FMN2: variants seen among roughly 807,000 people sequenced by gnomAD.
FMN2 encodes formin-2.
In FMN2, 51 loss-of-function variants were observed where a neutral mutation model predicts 142.3. The observed-to-expected ratio is 0.36, with a 90% CI of 0.29 to 0.45. FMN2 has a LOEUF of 0.45. Among genes scored for constraint, FMN2 ranks in the 20% least tolerant of loss-of-function variants. FMN2 has a pLI of 1.00. For missense variants in FMN2, 1,936 were observed against 2,122.8 expected (o/e 0.91, Z 1.73); for synonymous variants, 882 against 869.8 (o/e 1.01, Z -0.25).
chr1:240,447,459 C>T (rs186185274), intron 16 of FMN2, among the ~76,000 whole-genome samples: 1 of 152,154 alleles, frequency 6.6e-6, no homozygotes, highest in African/African-American at 2.4e-5. Flanking sequence ...ATTGTTAGTC[C>T]TCAGGGAAAT....
chr1:240,187,138 C>T (rs1197880595), intron 3 of FMN2, among the ~76,000 whole-genome samples: 14 of 149,038 alleles, frequency 9.4e-5, no homozygotes, highest in African/African-American at 2.9e-4. Flanking sequence ...GGTGTGGTGG[C>T]GGGTGCCTAT....
chr1:240,324,718 A>AAG (rs1671101066), intron 8 of FMN2, among the ~76,000 whole-genome samples: 1 of 151,968 alleles, frequency 6.6e-6, no homozygotes, highest in Non-Finnish European at 1.5e-5. Context: ...GGAGGGAAGA[A>AAG]AGAAAGAGAA....
intron 2 of FMN2, chr1:240,144,302 C>T: frequency 6.2e-7 from 1 of 1,607,344 alleles, no homozygotes. Context: ...GCCACTGCCC[C>T]CAAACCTGTT....
chr1:240,406,666 C>T (rs929052481), intron 15 of FMN2, among the ~76,000 whole-genome samples: 5 of 152,128 alleles, frequency 3.3e-5, no homozygotes, highest in Admixed American at 3.3e-4. Context: ...ACCTGCCACT[C>T]ATGGCTCTAG....
rs1670049859 is a variant in FMN2 at position 240,298,025 on chromosome 1, C to T, written c.4215+3142C>T. ...CATGGCCTAATTGCTTCCAAAAGGC[C>T]CTACCTTGATACCATCATCCTGGGG... On this transcript the variant is annotated intron_variant, in intron 8 of 17. Coordinates refer to ENST00000319653, the MANE Select transcript of FMN2 (RefSeq NM_020066.5). Among the ~76,000 whole-genome samples the T allele has an allele frequency of 2.0e-5, 3 of 152,078 alleles. No homozygotes were observed. In the South Asian group the frequency reaches 6.2e-4, roughly 32 times the overall value.
At chr1:240,434,195 T>C (rs925654797) in intron 15 of FMN2, among the ~76,000 whole-genome samples, 2 of 152,200 alleles carry the variant, frequency 1.3e-5, no homozygotes, top group Non-Finnish European at 2.9e-5. Flanking sequence ...CTACTACCTC[T>C]TCATGTGCCA....
At chr1:240,373,616 T>C (rs1260444173) in intron 14 of FMN2, among the ~76,000 whole-genome samples, 1 of 152,202 alleles carries the variant, frequency 6.6e-6, no homozygotes, top group Non-Finnish European at 1.5e-5. Context: ...TCCTCATCCG[T>C]TCAAATTTCA....
chr1:240,418,616 ACTGT>A (rs1218108787), intron 15 of FMN2, among the ~76,000 whole-genome samples: 2 of 152,252 alleles, frequency 1.3e-5, no homozygotes, highest in African/African-American at 4.8e-5. Flanking sequence ...ATAAAAGAAG[ACTGT>A]CTGCATAAGA....
At position 240,146,261 on chromosome 1, in the gene FMN2, GTA is replaced by G. The variant is rs1457532220; in HGVS notation, c.1782+22918_1782+22919del. 3.3e-5 allele frequency among the ~76,000 whole-genome samples: 5 copies of G among 151,222 alleles called. No homozygotes were observed. In the East Asian group the frequency reaches 9.8e-4, roughly 30 times the overall value. On this transcript the variant is annotated intron_variant, in intron 2 of 17. Transcript: ENST00000319653. ...TACAAAAAATTAGCCAGACTTGGTG[GTA>G]TGTGCCTATAGTCCCAGTTACTTGG...
At chr1:240,188,332 C>G in intron 4 of FMN2, 70 bp downstream of exon 4, 3 of 1,480,690 alleles carry the variant, frequency 2.0e-6, no homozygotes, top group Non-Finnish European at 1.9e-6. Context: ...ACAGACTCTG[C>G]GATTTATCTT....
intron 6 of FMN2, among the ~76,000 whole-genome samples, chr1:240,241,883 C>CTGGA (rs2102869621): frequency 7.5e-6 from 1 of 133,030 alleles, no homozygotes; most frequent in South Asian, 2.5e-4. Flanking sequence ...GTCGCCCAGG[C>CTGGA]TGGATCTCGC....
chr1:240,422,080 G>A (rs914437745), intron 15 of FMN2, among the ~76,000 whole-genome samples: 1 of 152,082 alleles, frequency 6.6e-6, no homozygotes, highest in Non-Finnish European at 1.5e-5. Flanking sequence ...TGAGTCTACT[G>A]GGCACTCTGT....
At chr1:240,254,212 C>T (rs759326372) in intron 6 of FMN2, among the ~76,000 whole-genome samples, 26 of 152,032 alleles carry the variant, frequency 1.7e-4, no homozygotes, top group Non-Finnish European at 3.5e-4. Flanking sequence ...CCTTAGGCTC[C>T]CAAGTGGTTT....
At chr1:240,247,536 A>G (rs986481974) in intron 6 of FMN2, among the ~76,000 whole-genome samples, 3 of 152,142 alleles carry the variant, frequency 2.0e-5, no homozygotes, top group African/African-American at 7.2e-5. Flanking sequence ...CATATATGAA[A>G]TGTGAAAGAT....
At chr1:240,328,163 AAAAAAAAAAGAAAAAGAAAATCCAGC>A (rs1331209908) in intron 8 of FMN2, among the ~76,000 whole-genome samples, 1 of 144,968 alleles carries the variant, frequency 6.9e-6, no homozygotes, top group Non-Finnish European at 1.5e-5. Context: ...AAAAAAAAAA[AAAAAAAAAAGAAAAAGAAAATCCAGC>A]AAAAGGATCA....
At chr1:240,398,158 G>C (rs1673848970) in intron 15 of FMN2, among the ~76,000 whole-genome samples, 1 of 151,956 alleles carries the variant, frequency 6.6e-6, no homozygotes, top group African/African-American at 2.4e-5. Flanking sequence ...GCCATACCCA[G>C]CTAACTTTTT....
At position 240,170,798 on chromosome 1, in the gene FMN2, G is replaced by A. The variant is rs76143550; in HGVS notation, c.1783-7123G>A. The stretch of plus-strand genomic sequence containing the variant: ...GGAGTTGGATTGACAGTTATCGTGG[G>A]CGGTAAAGTGGCTGGTGCATCCCGG... On this transcript the variant is annotated intron_variant, in intron 2 of 17. Coordinates refer to ENST00000319653, the MANE Select transcript of FMN2 (RefSeq NM_020066.5). 10,041 of 978,152 alleles carry A rather than the reference G, an allele frequency of 0.01. 646 individuals are homozygous for A. In the African/African-American group the frequency reaches 0.14, roughly 14 times the overall value. 60.6% of individuals were successfully genotyped at this position (978,152 alleles called of 1,614,324 possible). A position where few individuals can be genotyped will look rare whatever the true frequency, so the allele number is the denominator to read the frequency against.
At chr1:240,159,187 T>G (rs1271349272) in intron 2 of FMN2, among the ~76,000 whole-genome samples, 1 of 151,254 alleles carries the variant, frequency 6.6e-6, no homozygotes. Context: ...GACTGCCTTT[T>G]TCTGTGTTTT....
intron 6 of FMN2, among the ~76,000 whole-genome samples, chr1:240,233,730 T>G (rs560594157): frequency 5.3e-5 from 8 of 152,324 alleles, no homozygotes; most frequent in Non-Finnish European, 7.3e-5. Flanking sequence ...GACCACCTCA[T>G]TAATTCATTA....
Sources: gnomAD v4.1 joint callset for allele counts (sites outside exome capture counted in the v4.1 genomes callset) on GRCh38, gnomAD v4.1.1 for gene constraint, MANE v1.5 for transcripts, NCBI Gene and HGNC (gene_info 2026-07-23, HGNC 2026-07-21) for gene names.